The following FAM149A variants were observed in gnomAD, a reference collection of about 807,000 sequenced individuals.
FAM149A encodes the protein family with sequence similarity 149 member A.
In FAM149A, 71 loss-of-function variants were observed where a neutral mutation model predicts 78.2. The observed-to-expected ratio is 0.91, with a 90% CI of 0.75 to 1.11. FAM149A has a LOEUF of 1.11. FAM149A is among the 50% of genes least tolerant of loss of function. The pLI is 0.00. For missense variants in FAM149A, 1,036 were observed against 971.0 expected (o/e 1.07, Z -0.89); for synonymous variants, 446 against 410.5 (o/e 1.09, Z -1.04).
At chr4:186,131,223 C>T (rs982561915) in intron 1 of FAM149A, among the ~76,000 whole-genome samples, 4 of 152,104 alleles carry the variant, frequency 2.6e-5, no homozygotes, top group African/African-American at 9.7e-5. Flanking sequence ...GGGCACATGC[C>T]TGTAATCCCA....
In FAM149A at chr4:186,164,326, C is replaced by T. The variant is rs779176721; in HGVS notation, c.1889+693C>T. ...AGATGAGGGAACAGGCTAAGCCTGCCGGAGATCATCCCCGCCAGGAAGAGG... is the reference window on the plus strand; with the variant it reads ...AGATGAGGGAACAGGCTAAGCCTGCTGGAGATCATCCCCGCCAGGAAGAGG... On this transcript the variant is annotated intron_variant, in intron 10 of 13. Coordinates refer to ENST00000389354, the MANE Select transcript of FAM149A (RefSeq NM_001367768.3). This position sits in a 1 kb window ranked among gnomAD's most constrained non-coding sequence, Gnocchi z 4.0. 19 of 229,688 alleles carry T rather than the reference C, an allele frequency of 8.3e-5. No homozygotes were observed. The highest frequency in any genetic ancestry group is 1.2e-4 in the Non-Finnish European group (17 of 138,900). The allele number at this position is 229,688 out of a possible 1,614,324, so 14.2% of individuals were successfully genotyped here.
chr4:186,105,604 G>T lies in FAM149A; in HGVS notation c.528G>T (p.Glu176Asp). ...TCCTTACGCTGCCTGACATCGGCGAGGAGGGGGCCTCGGACGGCGACTCCG... is the reference window on the plus strand; with the variant it reads ...TCCTTACGCTGCCTGACATCGGCGATGAGGGGGCCTCGGACGGCGACTCCG... Residue 176 changes from glutamate (E) to aspartate (D), a missense_variant, in exon 1 of 14, where the codon GAG becomes GAT. Physicochemically the swap from Glu to Asp is conservative, Grantham distance 45. Around this residue, in one of 3 missense-constraint regions of FAM149A, gnomAD observed 316 missense variants for 241.9 expected, o/e 1.31. Coordinates refer to ENST00000389354, the MANE Select transcript of FAM149A (RefSeq NM_001367768.3). 9.5e-7 allele frequency: 1 copy of T among 1,055,618 alleles called. No homozygotes were observed. The highest frequency in any genetic ancestry group is 1.2e-6 in the Non-Finnish European group (1 of 869,050). 65.4% of individuals were successfully genotyped at this position (1,055,618 alleles called of 1,614,324 possible). A position where few individuals can be genotyped will look rare whatever the true frequency, so the allele number is the denominator to read the frequency against.
chr4:186,126,863 C>T, intron 1 of FAM149A: 1 of 984,364 alleles, frequency 1.0e-6, no homozygotes, highest in Non-Finnish European at 1.2e-6. Flanking sequence ...CTCTGGAGAA[C>T]CCCAATACAG....
Position 186,164,338 on chromosome 4 carries a change from C to A in FAM149A, c.1889+705C>A. ...AGGCTAAGCCTGCCGGAGATCATCCCCGCCAGGAAGAGGCCCAGCCGGACA... is the reference window on the plus strand; with the variant it reads ...AGGCTAAGCCTGCCGGAGATCATCCACGCCAGGAAGAGGCCCAGCCGGACA... On this transcript the variant is annotated intron_variant, in intron 10 of 13. Coordinates refer to ENST00000389354, the MANE Select transcript of FAM149A (RefSeq NM_001367768.3). The surrounding 1 kb of genome is among the most constrained non-coding windows in gnomAD (Gnocchi z 4.0). 1 of 308,062 alleles carries A rather than the reference C, an allele frequency of 3.2e-6. No homozygotes were observed. Among genetic ancestry groups the A allele is most frequent in the South Asian group, 1.2e-4 (1 of 8,062 alleles). The allele number at this position is 308,062 out of a possible 1,614,324, so 19.1% of individuals were successfully genotyped here. A position where few individuals can be genotyped will look rare whatever the true frequency, so the allele number is the denominator to read the frequency against.
In FAM149A at chr4:186,173,790, T is replaced by G. The variant is rs756598582; in HGVS notation, c.*1803T>G. On this transcript the variant is annotated 3_prime_UTR_variant, in exon 14 of 14. Coordinates refer to ENST00000389354, the MANE Select transcript of FAM149A (RefSeq NM_001367768.3). Reference sequence around the variant, plus strand: ...CCGGGGAAGATTGCTAATGCTTAGTTTCCTGCACAAAGCAAACCAAAGCAT... The same window carrying G: ...CCGGGGAAGATTGCTAATGCTTAGTGTCCTGCACAAAGCAAACCAAAGCAT... 3.5e-5 allele frequency among the ~76,000 whole-genome samples: 4 copies of G among 112,984 alleles called. 1 individual carries two copies. Among genetic ancestry groups the G allele is most frequent in the Non-Finnish European group, 9.0e-5 (4 of 44,666 alleles). The allele number at this position is 112,984 out of a possible 152,430, so 74.1% of individuals were successfully genotyped here. A position where few individuals can be genotyped will look rare whatever the true frequency, so the allele number is the denominator to read the frequency against.
chr4:186,167,479 C>T (rs78633472), intron 13 of FAM149A: 10,238 of 593,226 alleles, frequency 0.017, 125 homozygotes, highest in Non-Finnish European at 0.024. Context: ...AGGGGAATGT[C>T]CAAAAGCTCT....
intron 1 of FAM149A, among the ~76,000 whole-genome samples, chr4:186,122,243 G>A (rs1367018817): frequency 6.6e-6 from 1 of 152,184 alleles, no homozygotes; most frequent in Non-Finnish European, 1.5e-5. Flanking sequence ...TGTCAGGTCT[G>A]GGGAAAGGCG....
chr4:186,157,973 C>G, intron 8 of FAM149A: 1 of 1,508,770 alleles, frequency 6.6e-7, no homozygotes, highest in Non-Finnish European at 8.9e-7. Flanking sequence ...CCCACGCAGG[C>G]GGCACCACCC....
chr4:186,112,294 G>C (rs1300367203), intron 1 of FAM149A, among the ~76,000 whole-genome samples: 1 of 149,486 alleles, frequency 6.7e-6, no homozygotes, highest in Non-Finnish European at 1.5e-5. Flanking sequence ...AGGAGATTTT[G>C]GGCTGAGACA....
rs143374085 is a variant in FAM149A at position 186,154,405 on chromosome 4, G to C, written c.1059-63G>C. On this transcript the variant is annotated intron_variant, in intron 5 of 13. Transcript: ENST00000389354. ...GATAATTGAAAGATCCGCCATGATC[G>C]TTTAAGCATTGCGTTCTTGGTGTTC... is the stretch of plus-strand genomic sequence containing the variant. 1.9e-5 allele frequency: 26 copies of C among 1,363,280 alleles called. No homozygotes were observed. In the East Asian group the frequency reaches 5.6e-4, roughly 29 times the overall value. 84.4% of individuals were successfully genotyped at this position (1,363,280 alleles called of 1,614,324 possible).
chr4:186,156,530 C>T (rs1160595201), intron 7 of FAM149A, among the ~76,000 whole-genome samples: 1 of 151,992 alleles, frequency 6.6e-6, no homozygotes, highest in Non-Finnish European at 1.5e-5. Context: ...AAAAATTAGC[C>T]GGGCGTGGTG....
chr4:186,109,111 T>G, intron 1 of FAM149A: 1 of 908,930 alleles, frequency 1.1e-6, no homozygotes, highest in Non-Finnish European at 1.3e-6. Flanking sequence ...CCTCCCGAAG[T>G]GCTGGGATTA....
At position 186,153,783 on chromosome 4, in the gene FAM149A, A is replaced by C. The variant is rs1401374877; in HGVS notation, c.1058+13A>C. On this transcript the variant is annotated intron_variant, in intron 5 of 13. Transcript: ENST00000389354. ...GCAACATCAGAGAGTATGTTCAGAT[A>C]AGTGACTCTCAAAAAGTATTGTTAG... 1 of 1,588,236 alleles carries C rather than the reference A, an allele frequency of 6.3e-7. No individual in the cohort carries two copies. The highest frequency in any genetic ancestry group is 1.3e-5 in the African/African-American group (1 of 74,532).
At chr4:186,138,052 T>A (rs527322964) in intron 1 of FAM149A, among the ~76,000 whole-genome samples, 2 of 152,346 alleles carry the variant, frequency 1.3e-5, no homozygotes, top group South Asian at 2.1e-4. Flanking sequence ...CAAGCATTTT[T>A]AAAACAGACT....
chr4:186,167,207 A>C lies in FAM149A; in HGVS notation c.2163A>C (p.Ser721=), dbSNP rs1735119869. The C allele has an allele frequency of 1.2e-6, 2 of 1,611,282 alleles. No homozygotes were observed. Among genetic ancestry groups the C allele is most frequent in the Admixed American group, 1.7e-5 (1 of 60,002 alleles). Residue 721 remains serine, a synonymous_variant, in exon 13 of 14, where the codon TCA becomes TCC. Transcript: ENST00000389354. ...AGTCGGATACGCCTCGAAAAAGTTC[A>C]TTGACACAAATGGAATTTGCTGCTC...
At chr4:186,122,645 A>G (rs1220780606) in intron 1 of FAM149A, 1 of 155,276 alleles carries the variant, frequency 6.4e-6, no homozygotes, top group Admixed American at 6.6e-5. Context: ...AAATCTTTCA[A>G]CTCTTCCATG....
intron 1 of FAM149A, chr4:186,116,519 C>G (rs1357248572): frequency 5.1e-6 from 5 of 985,302 alleles, no homozygotes; most frequent in South Asian, 4.7e-5. Flanking sequence ...TGCTTATACC[C>G]GAGAAAACAA....
At chr4:186,161,147 G>C (rs529312722) in intron 8 of FAM149A, among the ~76,000 whole-genome samples, 1 of 152,250 alleles carries the variant, frequency 6.6e-6, no homozygotes, top group South Asian at 2.1e-4. Flanking sequence ...ATTTTATAAT[G>C]AGATGTGTTT....
intron 4 of FAM149A, among the ~76,000 whole-genome samples, chr4:186,152,701 C>T (rs79576690): frequency 0.36 from 53,898 of 151,510 alleles, 10,757 homozygotes; most frequent in East Asian, 0.5. Flanking sequence ...CCTGCCACCA[C>T]GCCCGGCTAA....
Sources: gnomAD v4.1 joint callset for allele counts (sites outside exome capture counted in the v4.1 genomes callset) on GRCh38, gnomAD v4.1.1 for gene constraint, gnomAD v4.1.1 regional missense constraint, Gnocchi (gnomAD v3.1) non-coding constraint, MANE v1.5 for transcripts, NCBI Gene and HGNC (gene_info 2026-07-23, HGNC 2026-07-21) for gene names.